The following NLGN1 variants were observed in gnomAD, a reference collection of about 807,000 sequenced individuals.
NLGN1 encodes the protein neuroligin-1.
A neutral mutation model predicts 65.5 loss-of-function variants in NLGN1; 12 were observed. The ratio of observed to expected loss-of-function variants is 0.18; its 90% CI spans 0.12 to 0.30. The LOEUF is 0.30. Ranked by LOEUF, NLGN1 falls within the 10% of genes least tolerant of loss-of-function variation. The probability of loss-of-function intolerance (pLI) is 1.00; values close to 1 mark genes in which losing one functional copy is unlikely to be tolerated. For synonymous variants in NLGN1, 350 were observed against 359.5 expected (o/e 0.97, Z 0.30); for missense variants, 750 against 1,007.1 (o/e 0.74, Z 3.46).
In NLGN1 at chr3:173,569,310, C is replaced by T. The variant is rs531752926; in HGVS notation, c.-320-34969C>T. The stretch of plus-strand genomic sequence containing the variant: ...TATTACTTCAAAATCTATTATAATA[C>T]TAGCTCTTTTTAAGTGAGAGATTTT... On this transcript the variant is annotated intron_variant, in intron 2 of 6. Coordinates refer to ENST00000457714, the Ensembl canonical transcript of NLGN1. Among the ~76,000 whole-genome samples, 184 of 152,142 alleles carry T rather than the reference C, an allele frequency of 1.2e-3. 1 individual carries two copies. Among genetic ancestry groups the T allele is most frequent in the Middle Eastern group, 6.8e-3 (2 of 294 alleles).
At chr3:173,605,190 C>A (rs1751182160) in intron 3 of NLGN1, 99 bp downstream of exon 2, 1 of 990,410 alleles carries the variant, frequency 1.0e-6, no homozygotes, top group Non-Finnish European at 1.5e-6. Flanking sequence ...GTATGCATGG[C>A]TTTTCCTGTT....
At position 174,002,069 on chromosome 3, in the gene NLGN1, A is replaced by C. The variant is rs1012771820; in HGVS notation, c.646+194237A>C. Among the ~76,000 whole-genome samples, 5 of 152,030 alleles carry C rather than the reference A, an allele frequency of 3.3e-5. No homozygotes were observed. In the East Asian group the frequency reaches 5.8e-4, roughly 18 times the overall value. Reference sequence around the variant, plus strand: ...TAGACAGATTTAAAAAAAAAAAAAAAAACAAGATTAGGGCCCTACTCAAAG... The same window carrying C: ...TAGACAGATTTAAAAAAAAAAAAAACAACAAGATTAGGGCCCTACTCAAAG... On this transcript the variant is annotated intron_variant, in intron 4 of 6. Transcript: ENST00000457714.
rs74363696 is a variant in NLGN1 at position 173,883,814 on chromosome 3, C to CTT, written c.646+76002_646+76003dup. Among the ~76,000 whole-genome samples, 957 of 96,464 alleles carry CTT rather than the reference C, an allele frequency of 9.9e-3. 5 individuals are homozygous for CTT. The highest frequency in any genetic ancestry group is 0.022 in the Middle Eastern group (3 of 136). 63.3% of individuals were successfully genotyped at this position (96,464 alleles called of 152,430 possible). A position where few individuals can be genotyped will look rare whatever the true frequency, so the allele number is the denominator to read the frequency against. Reference sequence around the variant, plus strand: ...TTAGTTTTGATTAAAGGGAAACTTTCTTTTTTTTTTTTTTTTTTTTTAGAA... The same window carrying CTT: ...TTAGTTTTGATTAAAGGGAAACTTTCTTTTTTTTTTTTTTTTTTTTTTTAGAA... On this transcript the variant is annotated intron_variant, in intron 4 of 6. Transcript: ENST00000457714.
chr3:173,472,723 G>A (rs1229784899), intron 2 of NLGN1, among the ~76,000 whole-genome samples: 2 of 152,016 alleles, frequency 1.3e-5, no homozygotes, highest in East Asian at 1.9e-4. Flanking sequence ...CATAAAAAAC[G>A]TCATGAGGAC....
intron 4 of NLGN1, among the ~76,000 whole-genome samples, chr3:173,944,124 G>GTTGTGTGTGTGT (rs34721217): frequency 0.032 from 4,491 of 139,518 alleles, 84 homozygotes; most frequent in Middle Eastern, 0.054. Context: ...TAATATTATG[G>GTTGTGTGTGTGT]GTGTGTGTGT....
At chr3:174,256,178 T>A (rs1561402355) in intron 4 of NLGN1, among the ~76,000 whole-genome samples, 1 of 152,146 alleles carries the variant, frequency 6.6e-6, no homozygotes, top group Non-Finnish European at 1.5e-5. Context: ...AAATATTTAT[T>A]CCATGGAAAT....
chr3:174,256,311 A>T (rs969451788), intron 4 of NLGN1, among the ~76,000 whole-genome samples: 1 of 152,236 alleles, frequency 6.6e-6, no homozygotes, highest in African/African-American at 2.4e-5. Context: ...TTGCTTAATC[A>T]TCTTCTCTAC....
chr3:173,572,922 C>T (rs1415162755), intron 2 of NLGN1, among the ~76,000 whole-genome samples: 1 of 152,166 alleles, frequency 6.6e-6, no homozygotes, highest in African/African-American at 2.4e-5. Flanking sequence ...AATAACTTCT[C>T]CTGCCCTGTG....
intron 4 of NLGN1, among the ~76,000 whole-genome samples, chr3:174,049,525 G>A (rs753864688): frequency 6.6e-6 from 1 of 152,074 alleles, no homozygotes; most frequent in Non-Finnish European, 1.5e-5. Flanking sequence ...AGGGCTAGCA[G>A]ACCTGGGCAG....
chr3:174,243,419 C>T (rs1413449322), intron 4 of NLGN1, among the ~76,000 whole-genome samples: 4 of 152,044 alleles, frequency 2.6e-5, no homozygotes, highest in African/African-American at 4.8e-5. Flanking sequence ...AATAAGCTGC[C>T]GCCACAAAGC....
chr3:174,058,073 A>G (rs867914462), intron 4 of NLGN1, among the ~76,000 whole-genome samples: 2 of 152,158 alleles, frequency 1.3e-5, no homozygotes, highest in Non-Finnish European at 2.9e-5. Flanking sequence ...TGCAGTAACA[A>G]TTCAGATGGC....
At chr3:174,209,770 T>C (rs557271303) in intron 4 of NLGN1, among the ~76,000 whole-genome samples, 1 of 151,486 alleles carries the variant, frequency 6.6e-6, no homozygotes, top group Admixed American at 6.6e-5. Flanking sequence ...GTAGCTGGGG[T>C]TACTGGCACC....
intron 4 of NLGN1, among the ~76,000 whole-genome samples, chr3:173,901,572 C>G (rs1262866828): frequency 2.0e-5 from 3 of 151,830 alleles, no homozygotes; most frequent in Non-Finnish European, 4.4e-5. Context: ...TATGTATGAT[C>G]CTTATTTCTA....
intron 4 of NLGN1, among the ~76,000 whole-genome samples, chr3:174,025,323 A>G (rs770912769): frequency 6.6e-6 from 1 of 152,208 alleles, no homozygotes; most frequent in Non-Finnish European, 1.5e-5. Flanking sequence ...CAAAAGCACA[A>G]ATCAATTGTG....
chr3:173,994,491 A>AAAAAG (rs10688223), intron 4 of NLGN1, among the ~76,000 whole-genome samples: 1 of 81,206 alleles, frequency 1.2e-5, no homozygotes, highest in Non-Finnish European at 2.2e-5. Context: ...AAAAAAAAAA[A>AAAAAG]AGAGAGAGAG....
chr3:173,784,845 G>A (rs935279686), intron 3 of NLGN1, among the ~76,000 whole-genome samples: 2 of 152,138 alleles, frequency 1.3e-5, no homozygotes, highest in Admixed American at 1.3e-4. Context: ...ACAAGGCATA[G>A]CAAGTCACGC....
chr3:174,265,183 C>T (rs982434965), intron 4 of NLGN1, among the ~76,000 whole-genome samples: 8 of 151,722 alleles, frequency 5.3e-5, no homozygotes, highest in Non-Finnish European at 8.8e-5. Flanking sequence ...GCAGGCAGGC[C>T]TCCTTGAGCT....
At chr3:174,272,550 G>C (rs1577729786) in intron 4 of NLGN1, among the ~76,000 whole-genome samples, 1 of 151,562 alleles carries the variant, frequency 6.6e-6, no homozygotes, top group Admixed American at 6.6e-5. Context: ...TGGTCAGTTG[G>C]CCTTAATAAA....
intron 2 of NLGN1, among the ~76,000 whole-genome samples, chr3:173,531,564 T>TAC (rs147720926): frequency 0.013 from 1,968 of 148,250 alleles, 18 homozygotes; most frequent in Non-Finnish European, 0.015. Context: ...CTGTGTGAAA[T>TAC]ACACACACAC....
Sources: gnomAD v4.1 joint callset for allele counts (sites outside exome capture counted in the v4.1 genomes callset) on GRCh38, gnomAD v4.1.1 for gene constraint, MANE v1.5 for transcripts, NCBI Gene and HGNC (gene_info 2026-07-23, HGNC 2026-07-21) for gene names.